BAZ2B: variants seen among roughly 807,000 people sequenced by gnomAD.
BAZ2B encodes bromodomain adjacent to zinc finger domain protein 2B.
BAZ2B carries 91 observed loss-of-function variants against 246.0 expected under a neutral mutation model. That is an observed-to-expected ratio of 0.37 (90% CI 0.31 to 0.44). The LOEUF (loss-of-function observed/expected upper bound fraction) is 0.44, where lower values mean the gene tolerates loss of function less well. Among genes scored for constraint, BAZ2B ranks in the 20% least tolerant of loss-of-function variants. The probability of loss-of-function intolerance (pLI) is 1.00; values close to 1 mark genes in which losing one functional copy is unlikely to be tolerated. For missense variants in BAZ2B, 2,332 were observed against 2,533.7 expected, an observed-to-expected ratio of 0.92 and a Z score of 1.71; for synonymous variants, 855 against 860.0, an observed-to-expected ratio of 0.99 and a Z score of 0.10.
the BAZ2B span, among the ~76,000 whole-genome samples, chr2:159,691,374 C>A: frequency 6.6e-6 from 1 of 152,106 alleles, no homozygotes; most frequent in South Asian, 2.1e-4. Flanking sequence ...AGAGGCCTTA[C>A]CTATAACATA....
chr2:159,448,812 A>G (rs2074622421), intron 4 of BAZ2B, among the ~76,000 whole-genome samples: 1 of 152,212 alleles, frequency 6.6e-6, no homozygotes, highest in Non-Finnish European at 1.5e-5. Flanking sequence ...CTTTCCTCAA[A>G]TTACATACAA....
intron 6 of BAZ2B, among the ~76,000 whole-genome samples, chr2:159,445,658 C>T (rs2074124799): frequency 6.6e-6 from 1 of 152,194 alleles, no homozygotes; most frequent in African/African-American, 2.4e-5. Flanking sequence ...TAGTAAACTG[C>T]CTGCTGAGAT....
In BAZ2B at chr2:159,448,271, C is replaced by T. The variant is rs780650388; in HGVS notation, c.473G>A (p.Gly158Glu). 1 of 1,611,770 alleles carries T rather than the reference C, an allele frequency of 6.2e-7. No individual in the cohort carries two copies. The highest frequency in any genetic ancestry group is 8.5e-7 in the Non-Finnish European group (1 of 1,179,442). The change falls in exon 5 of 37, where the codon GGA (glycine) becomes GAA (glutamate). Residue 158 changes from glycine (G) to glutamate (E), a missense_variant. By Grantham distance (98) the Gly-to-Glu change is moderately conservative (BLOSUM62 -2). This residue lies in a region of BAZ2B where 242 missense variants were observed against 237.4 expected (regional missense o/e 1.02). Coordinates refer to ENST00000392783, the MANE Select transcript of BAZ2B (RefSeq NM_013450.4). Reference sequence around the variant, plus strand: ...TTCGGGACCATTTCGATTACTTTTTCCCGAAGTCCTTGAATGGAATGAAGA... The same window carrying T: ...TTCGGGACCATTTCGATTACTTTTTTCCGAAGTCCTTGAATGGAATGAAGA... ...DSSSFHSRTS[G>E]KSNRNGPEKG...
At chr2:159,461,549 A>T (rs1417806408) in intron 3 of BAZ2B, 3 of 152,428 alleles carry the variant, frequency 2.0e-5, no homozygotes, top group Admixed American at 6.6e-5. Context: ...TTATAGTACA[A>T]TCCTGCCATA....
At chr2:159,341,673 T>A (rs2066756104) in intron 31 of BAZ2B, among the ~76,000 whole-genome samples, 1 of 152,180 alleles carries the variant, frequency 6.6e-6, no homozygotes, top group East Asian at 1.9e-4. Context: ...AAGTATCTTC[T>A]CTGACTACAT....
intron 1 of BAZ2B, among the ~76,000 whole-genome samples, chr2:159,574,288 C>A (rs552513841): frequency 5.4e-4 from 15 of 27,904 alleles, no homozygotes; most frequent in African/African-American, 9.5e-4. Context: ...CAGAGAAATG[C>A]AAATCAAAAC....
At chr2:159,633,517 A>G in the BAZ2B span, among the ~76,000 whole-genome samples, 1 of 152,166 alleles carries the variant, frequency 6.6e-6, no homozygotes, top group Non-Finnish European at 1.5e-5. Flanking sequence ...ATAATAGTTT[A>G]GCCCTGAAGG....
At chr2:159,389,101 C>G (rs955209067) in intron 21 of BAZ2B, among the ~76,000 whole-genome samples, 1 of 150,438 alleles carries the variant, frequency 6.6e-6, no homozygotes, top group African/African-American at 2.4e-5. Context: ...AAACAACCAA[C>G]CAACCAACCA....
intron 1 of BAZ2B, among the ~76,000 whole-genome samples, chr2:159,609,798 T>C (rs1387824130): frequency 1.6e-5 from 2 of 125,934 alleles, no homozygotes; most frequent in East Asian, 5.6e-4. Flanking sequence ...TAAATGCAGG[T>C]AGATCAATAA....
At chr2:159,611,106 A>C (rs1189858354) in intron 1 of BAZ2B, among the ~76,000 whole-genome samples, 1 of 151,936 alleles carries the variant, frequency 6.6e-6, no homozygotes, top group African/African-American at 2.4e-5. Context: ...AACAGAAAAA[A>C]CTGTAAATCA....
rs1409253899 is a variant in BAZ2B, at chr2:159,368,869, A to C, written c.4213+4176T>G. Reference sequence around the variant, plus strand: ...TAATCTGAAAGGCCTAAAAAAAAAAAAAAAAAAAAAAAAACTGTCTCCTAT... The same window carrying C: ...TAATCTGAAAGGCCTAAAAAAAAAACAAAAAAAAAAAAAACTGTCTCCTAT... On this transcript the variant is annotated intron_variant, in intron 27 of 36. Coordinates refer to ENST00000392783, the MANE Select transcript of BAZ2B (RefSeq NM_013450.4). Among the ~76,000 whole-genome samples, 14 of 148,762 alleles carry C rather than the reference A, an allele frequency of 9.4e-5. No individual in the cohort carries two copies. In the East Asian group the frequency reaches 1.0e-3, roughly 11 times the overall value.
Position 159,349,235 on chromosome 2 carries a change from G to T in BAZ2B, c.4909C>A (p.Pro1637Thr). The T allele has an allele frequency of 6.2e-7, 1 of 1,613,258 alleles. No homozygotes were observed. Among genetic ancestry groups the T allele is most frequent in the South Asian group, 1.1e-5 (1 of 91,042 alleles). ...ATATTAGAAGTAACCACACCAGTGG[G>T]CCATCCACAAAACTGAAGTCCCATC... ...SMMGLQFCGW[P>T]TGVVTSNIPF... Residue 1637 changes from proline to threonine, a missense_variant, in exon 29 of 37, where the codon CCC becomes ACC. Around this residue, in one of 9 missense-constraint regions of BAZ2B, gnomAD observed 676 missense variants for 668.6 expected, o/e 1.01. Transcript: ENST00000392783.
At chr2:159,638,832 C>G in the BAZ2B span, among the ~76,000 whole-genome samples, 10 of 151,822 alleles carry the variant, frequency 6.6e-5, no homozygotes, top group African/African-American at 2.4e-4. Context: ...GGGGTAGAAA[C>G]TTTATTCAAA....
intron 3 of BAZ2B, among the ~76,000 whole-genome samples, chr2:159,468,231 C>T (rs944669363): frequency 1.3e-5 from 2 of 152,006 alleles, no homozygotes; most frequent in Non-Finnish European, 2.9e-5. Context: ...TTATCTCAGG[C>T]GGCAGGAAGT....
chr2:159,411,141 C>T (rs1292611626), intron 14 of BAZ2B, among the ~76,000 whole-genome samples: 2 of 152,180 alleles, frequency 1.3e-5, no homozygotes, highest in Non-Finnish European at 2.9e-5. Flanking sequence ...CCCACATCAG[C>T]CTCCACAATA....
At chr2:159,685,787 C>T in the BAZ2B span, among the ~76,000 whole-genome samples, 407 of 152,234 alleles carry the variant, frequency 2.7e-3, 2 homozygotes, top group African/African-American at 9.2e-3. Flanking sequence ...GTTATTAATA[C>T]ATGATAAATA....
chr2:159,350,069 T>G lies in BAZ2B; in HGVS notation c.4502A>C (p.Gln1501Pro), dbSNP rs750943925. The G allele has an allele frequency of 1.2e-6, 2 of 1,614,162 alleles. No homozygotes were observed. The highest frequency in any genetic ancestry group is 2.2e-5 in the East Asian group (1 of 44,882). Residue 1501 changes from glutamine (Q) to proline (P), a missense_variant, in exon 28 of 37, where the codon CAG becomes CCG. Transcript: ENST00000392783. ...GCCCAGTGAATGTTTTCCACTGTTC[T>G]GATAAGACAACGTGCACCCATTTGC... ...AGANGCTLSY[Q>P]NSGKHSLGSV...
At chr2:159,395,973 T>C (rs2063961309) in intron 19 of BAZ2B, 139 bp from the exon 20 acceptor site, 4 of 670,930 alleles carry the variant, frequency 6.0e-6, no homozygotes, top group Non-Finnish European at 9.8e-6. Flanking sequence ...CAGTAAATAC[T>C]AAATATAAGA....
chr2:159,573,237 G>A (rs1411715307), intron 1 of BAZ2B, among the ~76,000 whole-genome samples: 1 of 152,114 alleles, frequency 6.6e-6, no homozygotes, highest in African/African-American at 2.4e-5. Flanking sequence ...AAAGTTGGAA[G>A]GCTCACACTT....
Sources: gnomAD v4.1 joint callset for allele counts (sites outside exome capture counted in the v4.1 genomes callset) on GRCh38, gnomAD v4.1.1 for gene constraint, gnomAD v4.1.1 regional missense constraint, MANE v1.5 for transcripts, NCBI Gene and HGNC (gene_info 2026-07-23, HGNC 2026-07-21) for gene names.